The following PCDHGB1 variants were observed in gnomAD, a reference collection of about 807,000 sequenced individuals.
PCDHGB1 encodes the protein protocadherin gamma-B1.
Under a neutral mutation model 56.6 loss-of-function variants are expected in PCDHGB1, and 34 were observed. The ratio of observed to expected loss-of-function variants is 0.60; its 90% confidence interval spans 0.46 to 0.80. The LOEUF is 0.80. PCDHGB1 is among the 30% of genes least tolerant of loss of function. The probability of loss-of-function intolerance (pLI) is 0.00; values close to 1 mark genes in which losing one functional copy is unlikely to be tolerated. For synonymous variants in PCDHGB1, 561 were observed against 505.9 expected (o/e 1.11, Z -1.46); for missense variants, 1,278 against 1,204.6 (o/e 1.06, Z -0.90).
In PCDHGB1 at chr5:141,392,992, C is replaced by A. The variant is rs1233401263; in HGVS notation, c.2409+40323C>A. ...CTGGGGCTGGACCCCCGGAAGCTGG[C>A]GAAGCACGGAGTCCGTATCGTCTCC... is the stretch of plus-strand genomic sequence containing the variant. On this transcript the variant is annotated intron_variant, in intron 1 of 3. Transcript: ENST00000523390. 5 of 1,613,818 alleles carry A rather than the reference C, an allele frequency of 3.1e-6. No homozygotes were observed. The Admixed American group carries it at 5.0e-5, about 16-fold the overall frequency.
chr5:141,490,906 G>A lies in PCDHGB1; in HGVS notation c.2410-3901G>A, dbSNP rs2099705910. 1 of 1,613,798 alleles carries A rather than the reference G, an allele frequency of 6.2e-7. No individual in the cohort carries two copies. Among genetic ancestry groups the A allele is most frequent in the Non-Finnish European group, 8.5e-7 (1 of 1,179,808 alleles). ...CACATCTCTGCATGTGTTTGTCCTA[G>A]ACGAGAATGATAATGCCCCAGCTGT... On this transcript the variant is annotated intron_variant, in intron 1 of 3. Coordinates refer to ENST00000523390, the MANE Select transcript of PCDHGB1 (RefSeq NM_018922.3). The surrounding 1 kb of genome is among the most constrained non-coding windows in gnomAD (Gnocchi z 5.4).
At chr5:141,423,874 A>T (rs1264795133) in intron 1 of PCDHGB1, 2 of 1,283,268 alleles carry the variant, frequency 1.6e-6, no homozygotes, top group African/African-American at 3.1e-5. Flanking sequence ...GTCATTTTTC[A>T]ATCTTGGCAT....
chr5:141,457,471 C>T (rs1478580665), intron 1 of PCDHGB1, among the ~76,000 whole-genome samples: 1 of 152,182 alleles, frequency 6.6e-6, no homozygotes, highest in African/African-American at 2.4e-5. Context: ...CAGGAATAAG[C>T]AGGGCCAGGG....
intron 1 of PCDHGB1, chr5:141,372,764 T>C: frequency 6.2e-7 from 1 of 1,612,408 alleles, no homozygotes; most frequent in Non-Finnish European, 8.5e-7. Context: ...GGTTTGAAAG[T>C]AATGACAATC....
chr5:141,390,513 A>G lies in PCDHGB1; in HGVS notation c.2409+37844A>G. ...TTTTTAGCCAAGCTTAGATTTATAA[A>G]GCAATGAGGGTGTGGTTTTAACCAC... is the stretch of plus-strand genomic sequence containing the variant. On this transcript the variant is annotated intron_variant, in intron 1 of 3. Coordinates refer to ENST00000523390, the MANE Select transcript of PCDHGB1 (RefSeq NM_018922.3). The G allele has an allele frequency of 1.0e-5, 6 of 581,214 alleles. No homozygotes were observed. The South Asian group carries it at 1.1e-4, about 10-fold the overall frequency. The allele number at this position is 581,214 out of a possible 1,614,324, so 36.0% of individuals were successfully genotyped here.
intron 1 of PCDHGB1, chr5:141,360,135 G>A (rs1200093111): frequency 1.3e-6 from 2 of 1,592,246 alleles, no homozygotes; most frequent in Admixed American, 3.5e-5. Context: ...GGAGCCAGAA[G>A]ATGAAAGCGA....
intron 1 of PCDHGB1, chr5:141,410,448 C>T: frequency 6.2e-7 from 1 of 1,614,006 alleles, no homozygotes; most frequent in Non-Finnish European, 8.5e-7. Context: ...GGGACTTTGC[C>T]TTATTCTTAT....
chr5:141,437,892 C>A (rs2097916583), intron 1 of PCDHGB1, among the ~76,000 whole-genome samples: 2 of 152,116 alleles, frequency 1.3e-5, no homozygotes, highest in Admixed American at 1.3e-4. Context: ...CACACGCCAC[C>A]ACACCCAGCT....
chr5:141,360,779 T>C, intron 1 of PCDHGB1: 1 of 1,613,956 alleles, frequency 6.2e-7, no homozygotes, highest in Non-Finnish European at 8.5e-7. Context: ...CTCACAGCTG[T>C]GGATGGCGGA....
Position 141,432,587 on chromosome 5 carries a change from A to C in PCDHGB1, c.2410-62220A>C. ...CGCCTGGCTGTCCTACCGTCTGCTC[A>C]AGGCCAGCGAGCCGGGACTCTTCTC... On this transcript the variant is annotated intron_variant, in intron 1 of 3. Transcript: ENST00000523390. This position sits in a 1 kb window ranked among gnomAD's most constrained non-coding sequence, Gnocchi z 6.0. 1.9e-6 allele frequency: 3 copies of C among 1,613,250 alleles called. No individual in the cohort carries two copies. Among genetic ancestry groups the C allele is most frequent in the Non-Finnish European group, 2.5e-6 (3 of 1,179,918 alleles).
Position 141,511,319 on chromosome 5 carries a change from C to A in PCDHGB1, c.*146C>A. On this transcript the variant is annotated 3_prime_UTR_variant, in exon 4 of 4. Coordinates refer to ENST00000523390, the MANE Select transcript of PCDHGB1 (RefSeq NM_018922.3). ...CCATGCTCCCCTTGGGAAACAGAAA[C>A]AAGTGCCCAGTCAGCACCTACCCCT... is the stretch of plus-strand genomic sequence containing the variant. 6.8e-7 allele frequency: 1 copy of A among 1,477,420 alleles called. No homozygotes were observed. The highest frequency in any genetic ancestry group is 9.0e-7 in the Non-Finnish European group (1 of 1,108,340). 91.5% of individuals were successfully genotyped at this position (1,477,420 alleles called of 1,614,324 possible).
intron 1 of PCDHGB1, chr5:141,379,749 T>A (rs1396117156): frequency 6.6e-6 from 1 of 152,138 alleles, no homozygotes; most frequent in African/African-American, 2.4e-5. Flanking sequence ...ATGAGGTTCT[T>A]TAATCCACCT....
chr5:141,375,280 C>T (rs771324220), intron 1 of PCDHGB1: 1 of 1,613,676 alleles, frequency 6.2e-7, no homozygotes, highest in Non-Finnish European at 8.5e-7. Context: ...AATCAGTTGG[C>T]AATTATTATC....
chr5:141,463,927 A>G (rs1454864391), intron 1 of PCDHGB1, among the ~76,000 whole-genome samples: 1 of 152,206 alleles, frequency 6.6e-6, no homozygotes, highest in Non-Finnish European at 1.5e-5. Flanking sequence ...AAATCATTCT[A>G]TATAAATTTA....
rs72790062 is a variant in PCDHGB1, at chr5:141,476,031, C to A, written c.2410-18776C>A. On this transcript the variant is annotated intron_variant, in intron 1 of 3. Coordinates refer to ENST00000523390, the MANE Select transcript of PCDHGB1 (RefSeq NM_018922.3). The surrounding 1 kb of genome is among the most constrained non-coding windows in gnomAD (Gnocchi z 7.6). Reference sequence around the variant, plus strand: ...AAGCCATGTCGGACTCGGCGCCCAGCGCCCAAGCGCTAACCCGCTGAAAGT... The same window carrying A: ...AAGCCATGTCGGACTCGGCGCCCAGAGCCCAAGCGCTAACCCGCTGAAAGT... 6.9e-6 allele frequency: 10 copies of A among 1,457,214 alleles called. No homozygotes were observed. The highest frequency in any genetic ancestry group is 9.1e-6 in the Non-Finnish European group (10 of 1,094,860). 90.3% of individuals were successfully genotyped at this position (1,457,214 alleles called of 1,614,324 possible).
At position 141,487,710 on chromosome 5, in the gene PCDHGB1, G is replaced by A. The variant is rs199722860; in HGVS notation, c.2410-7097G>A. ...CTAGAGAGTACTGGCCTCTCAGTAA[G>A]TGCCCATAGTGATGTCACCATTTTT... On this transcript the variant is annotated intron_variant, in intron 1 of 3. Transcript: ENST00000523390. The surrounding 1 kb of genome is among the most constrained non-coding windows in gnomAD (Gnocchi z 5.0). 3.8e-4 allele frequency: 596 copies of A among 1,586,168 alleles called. No individual in the cohort carries two copies. The highest frequency in any genetic ancestry group is 4.5e-4 in the Non-Finnish European group (529 of 1,164,386).
chr5:141,454,076 T>A (rs190918056), intron 1 of PCDHGB1, among the ~76,000 whole-genome samples: 2 of 152,352 alleles, frequency 1.3e-5, no homozygotes, highest in East Asian at 3.8e-4. Flanking sequence ...TGATAATGTT[T>A]TCAGTGAAAT....
rs11343387 is a variant in PCDHGB1 at position 141,497,209 on chromosome 5, TGG to T, written c.2468+2352_2468+2353del. On this transcript the variant is annotated intron_variant, in intron 2 of 3. Transcript: ENST00000523390. ...GAGGCAGAGAACAATGTGAGTGTAATGGGGGGGGGAAGATCAGAGAAGGCTTC... is the reference window on the plus strand; with the variant it reads ...GAGGCAGAGAACAATGTGAGTGTAATGGGGGGGAAGATCAGAGAAGGCTTC... Among the ~76,000 whole-genome samples the T allele has an allele frequency of 3.8e-3, 569 of 151,352 alleles. 5 individuals are homozygous for T. Among genetic ancestry groups the T allele is most frequent in the Admixed American group, 0.011 (162 of 15,190 alleles).
chr5:141,431,206 G>A lies in PCDHGB1; in HGVS notation c.2410-63601G>A, dbSNP rs17097300. On this transcript the variant is annotated intron_variant, in intron 1 of 3. Coordinates refer to ENST00000523390, the MANE Select transcript of PCDHGB1 (RefSeq NM_018922.3). The surrounding 1 kb of genome is among the most constrained non-coding windows in gnomAD (Gnocchi z 4.8). ...AAATTAGTGAAAATGCAGCCACTGA[G>A]ATGCGGTTCCCTCTACCCCACGCCT... The A allele has an allele frequency of 0.041, 66,767 of 1,614,172 alleles. 3,763 individuals carry two copies. Among genetic ancestry groups the A allele is most frequent in the Admixed American group, 0.27 (16,026 of 60,028 alleles).
Sources: gnomAD v4.1 joint callset for allele counts (sites outside exome capture counted in the v4.1 genomes callset) on GRCh38, gnomAD v4.1.1 for gene constraint, Gnocchi (gnomAD v3.1) non-coding constraint, MANE v1.5 for transcripts, NCBI Gene and HGNC (gene_info 2026-07-23, HGNC 2026-07-21) for gene names.